Variants in ANKRD1 observed in about 807,000 individuals in gnomAD.
ANKRD1 encodes the protein ankyrin repeat domain-containing protein 1.
Under a neutral mutation model 40.1 loss-of-function variants are expected in ANKRD1, and 32 were observed. That is an observed-to-expected ratio of 0.80 (90% CI 0.60 to 1.07). The LOEUF (loss-of-function observed/expected upper bound fraction) is 1.07. Among genes scored for constraint, ANKRD1 ranks in the 50% least tolerant of loss-of-function variants. The probability of loss-of-function intolerance (pLI) is 0.00; values close to 1 mark genes in which losing one functional copy is unlikely to be tolerated. For missense variants in ANKRD1, 359 were observed against 386.0 expected (o/e 0.93, Z 0.59); for synonymous variants, 149 against 141.2 (o/e 1.06, Z -0.39).
intron 4 of ANKRD1, 45 bp downstream of exon 4, chr10:90,918,818 CAT>C: frequency 7.0e-7 from 1 of 1,433,196 alleles, no homozygotes. Context: ...GCATAAGAAA[CAT>C]AAAATTAATG....
chr10:90,919,004 A>G, intron 3 of ANKRD1, 32 bp from the exon 4 acceptor site: 1 of 1,208,444 alleles, frequency 8.3e-7, no homozygotes, highest in South Asian at 1.4e-5. Context: ...ATATATATAT[A>G]TATATATATA....
chr10:90,916,432 G>GTGTGTGTA (rs1348444184), intron 5 of ANKRD1, among the ~76,000 whole-genome samples, 163 bp from the exon 6 acceptor site: 1 of 84,318 alleles, frequency 1.2e-5, no homozygotes, highest in Non-Finnish European at 2.4e-5. Context: ...TAAATTACAT[G>GTGTGTGTA]TGTGTGTGTG....
At chr10:90,917,652 C>A in intron 5 of ANKRD1, 80 bp downstream of exon 5, 1 of 1,200,200 alleles carries the variant, frequency 8.3e-7, no homozygotes, top group South Asian at 1.2e-5. Flanking sequence ...CCAATCAGCT[C>A]GGTTTTGCAT....
intron 1 of ANKRD1, 46 bp downstream of exon 1, chr10:90,920,955 A>C: frequency 6.3e-7 from 1 of 1,584,710 alleles, no homozygotes; most frequent in Non-Finnish European, 8.7e-7. Flanking sequence ...AATAAAAACC[A>C]AGATGAACCA....
chr10:90,920,907 T>G, intron 1 of ANKRD1, 94 bp downstream of exon 1: 3 of 1,227,964 alleles, frequency 2.4e-6, no homozygotes, highest in South Asian at 2.5e-5. Flanking sequence ...AGAGTTCCCT[T>G]GCATTACACC....
chr10:90,918,033 A>G (rs1002700480), intron 4 of ANKRD1, among the ~76,000 whole-genome samples: 2 of 152,230 alleles, frequency 1.3e-5, no homozygotes, highest in African/African-American at 4.8e-5. Flanking sequence ...TTCCTCCAAT[A>G]TACATTTCCA....
rs1847363576 is a variant in ANKRD1, at chr10:90,915,823, G to A, written c.709C>T (p.His237Tyr). ...AGGTCTGCCTCACAGGCGATAAGAT[G>A]CTCCGCGCACTCATAGTGGCCAGTC... is the stretch of plus-strand genomic sequence containing the variant. ...VRTGHYECAE[H>Y]LIACEADLNA... is the part of the protein sequence containing the mutation. Residue 237 changes from histidine to tyrosine, a missense_variant, in exon 7 of 9, where the codon CAT (histidine) becomes TAT (tyrosine). Transcript: ENST00000371697. 6.2e-7 allele frequency: 1 copy of A among 1,613,640 alleles called. No homozygotes were observed. The highest frequency in any genetic ancestry group is 1.3e-5 in the African/African-American group (1 of 74,764).
rs925936394 is a variant in ANKRD1 at position 90,912,608 on chromosome 10, C to T, written c.*258G>A. On this transcript the variant is annotated 3_prime_UTR_variant, in exon 9 of 9. Transcript: ENST00000371697. ...TTATATACAAATGAAGCTCTGCTCA[C>T]CAGATGGATGATCATGAAGGTCTGA... 8 of 417,628 alleles carry T rather than the reference C, an allele frequency of 1.9e-5. No individual in the cohort carries two copies. The highest frequency in any genetic ancestry group is 1.8e-4 in the Admixed American group (5 of 28,398). 25.9% of individuals were successfully genotyped at this position (417,628 alleles called of 1,614,324 possible).
At chr10:90,919,027 T>C (rs1564574700) in intron 3 of ANKRD1, 55 bp from the exon 4 acceptor site, 1 of 1,520,504 alleles carries the variant, frequency 6.6e-7, no homozygotes, top group South Asian at 1.2e-5. Flanking sequence ...GCATGAGAGT[T>C]ACCGTGAGCT....
rs1395562720 is a variant in ANKRD1 at position 90,916,227 on chromosome 10, G to T, written c.595C>A (p.Leu199Met). The change falls in exon 6 of 9, where the codon CTG becomes ATG. Residue 199 changes from leucine to methionine, a missense_variant. Physicochemically the swap from Leu to Met is conservative, Grantham distance 15 (BLOSUM62 2). Coordinates refer to ENST00000371697, the MANE Select transcript of ANKRD1 (RefSeq NM_014391.3). The part of the protein sequence containing the change: ...AIHWASRGGN[L>M]DVLKLLLNKG... Reference sequence around the variant, plus strand: ...TTCAGCAACAATTTTAAAACATCCAGGTTTCCTCCACGGCTTGCCCAGTGG... The same window carrying T: ...TTCAGCAACAATTTTAAAACATCCATGTTTCCTCCACGGCTTGCCCAGTGG... The T allele has an allele frequency of 2.5e-6, 4 of 1,614,004 alleles. No individual in the cohort carries two copies. The highest frequency in any genetic ancestry group is 3.4e-6 in the Non-Finnish European group (4 of 1,180,018).
rs1847371278 is a variant in ANKRD1, at chr10:90,916,161, G to T, written c.651+10C>A. Reference sequence around the variant, plus strand: ...GGGGTGAATGAAGGGAGAAGGAGAAGAAGGAATACCTTATCTCGGGCGCTA... The same window carrying T: ...GGGGTGAATGAAGGGAGAAGGAGAATAAGGAATACCTTATCTCGGGCGCTA... On this transcript the variant is annotated intron_variant, in intron 6 of 8. Transcript: ENST00000371697. 6.2e-7 allele frequency: 1 copy of T among 1,603,858 alleles called. No homozygotes were observed. The highest frequency in any genetic ancestry group is 8.5e-7 in the Non-Finnish European group (1 of 1,171,498).
chr10:90,912,782 G>C lies in ANKRD1; in HGVS notation c.*84C>G. The C allele has an allele frequency of 7.9e-7, 1 of 1,269,624 alleles. No homozygotes were observed. The highest frequency in any genetic ancestry group is 1.2e-6 in the Non-Finnish European group (1 of 867,142). 78.6% of individuals were successfully genotyped at this position (1,269,624 alleles called of 1,614,324 possible). ...ACAACACGTTGATAAATAGAAACTA[G>C]ATTTTATGGCTAGTGTCTCTTCTCT... On this transcript the variant is annotated 3_prime_UTR_variant, in exon 9 of 9. Transcript: ENST00000371697.
At position 90,915,579 on chromosome 10, in the gene ANKRD1, C is replaced by A. The variant is rs773135710; in HGVS notation, c.813G>T (p.Leu271=). 1 of 1,613,646 alleles carries A rather than the reference C, an allele frequency of 6.2e-7. No individual in the cohort carries two copies. The highest frequency in any genetic ancestry group is 2.2e-5 in the East Asian group (1 of 44,804). The change falls in exon 8 of 9, where the codon CTG becomes CTT. Residue 271 remains leucine (L), a synonymous_variant. Transcript: ENST00000371697. ...RLNRYKMIRL[L]IMYGADLNIK... ...TGTTGAGATCCGCGCCATACATAAT[C>A]AGGAGTCGGATCATCTTATAGCGGT...
chr10:90,920,158 A>G lies in ANKRD1; in HGVS notation c.207+11T>C. The G allele has an allele frequency of 6.2e-7, 1 of 1,613,114 alleles. No homozygotes were observed. Among genetic ancestry groups the G allele is most frequent in the Non-Finnish European group, 8.5e-7 (1 of 1,179,994 alleles). ...AACATCCTACTAGTGGATTCCACAGATGGCTCTCACCTCTGCCTCTCGTTG... is the reference window on the plus strand; with the variant it reads ...AACATCCTACTAGTGGATTCCACAGGTGGCTCTCACCTCTGCCTCTCGTTG... On this transcript the variant is annotated intron_variant, in intron 2 of 8. Coordinates refer to ENST00000371697, the MANE Select transcript of ANKRD1 (RefSeq NM_014391.3).
At chr10:90,917,633 A>G (rs1050414960) in intron 5 of ANKRD1, 99 bp downstream of exon 5, 3 of 1,040,136 alleles carry the variant, frequency 2.9e-6, no homozygotes, top group African/African-American at 1.6e-5. Flanking sequence ...TCTCAGATCA[A>G]TTTTCAATCC....
At chr10:90,917,652 C>T in intron 5 of ANKRD1, 80 bp downstream of exon 5, 1 of 1,200,200 alleles carries the variant, frequency 8.3e-7, no homozygotes, top group Non-Finnish European at 1.2e-6. Context: ...CCAATCAGCT[C>T]GGTTTTGCAT....
At position 90,918,865 on chromosome 10, in the gene ANKRD1, C is replaced by T. The variant is rs564428773; in HGVS notation, c.453G>A (p.Glu151=). ...SDKNNPDVCD[E]YKRTALHRAC... ...TTGCAGTGCTTTGCATGAGTCTTAC[C>T]TCATCACAAACATCTGGATTGTTCT... Residue 151 remains glutamate, a splice_region_variant and synonymous_variant, in exon 4 of 9, where the codon GAG becomes GAA. Transcript: ENST00000371697. 5.0e-6 allele frequency: 8 copies of T among 1,605,400 alleles called. No homozygotes were observed. The East Asian group carries it at 1.6e-4, about 31-fold the overall frequency.
chr10:90,915,914 G>C (rs1423960422), intron 6 of ANKRD1, 34 bp from the exon 7 acceptor site: 1 of 1,602,022 alleles, frequency 6.2e-7, no homozygotes. Context: ...GATTCGCTAG[G>C]AATGAGGACA....
At position 90,919,122 on chromosome 10, in the gene ANKRD1, A is replaced by G; in HGVS notation, c.345+9T>C. 1 of 1,612,770 alleles carries G rather than the reference A, an allele frequency of 6.2e-7. No individual in the cohort carries two copies. The highest frequency in any genetic ancestry group is 8.5e-7 in the Non-Finnish European group (1 of 1,179,698). ...ATGTATTACTGGAAACCAAAAAAAA[A>G]GCCCTTACAATGATTTCAGGTTCTG... On this transcript the variant is annotated intron_variant, in intron 3 of 8. Coordinates refer to ENST00000371697, the MANE Select transcript of ANKRD1 (RefSeq NM_014391.3).
Sources: gnomAD v4.1 joint callset for allele counts (sites outside exome capture counted in the v4.1 genomes callset) on GRCh38, gnomAD v4.1.1 for gene constraint, MANE v1.5 for transcripts, NCBI Gene and HGNC (gene_info 2026-07-23, HGNC 2026-07-21) for gene names.